Variants in CEP128 observed in about 807,000 individuals in gnomAD.
The protein encoded by CEP128 is centrosomal protein 128kDa.
A neutral mutation model predicts 156.7 loss-of-function variants in CEP128; 132 were observed. That is an observed-to-expected ratio of 0.84 (90% CI 0.73 to 0.97). The LOEUF (loss-of-function observed/expected upper bound fraction) is 0.97, where lower values mean the gene tolerates loss of function less well. CEP128 is among the 50% of genes least tolerant of loss of function. CEP128 has a pLI of 0.00. For missense variants in CEP128, 1,252 were observed against 1,281.9 expected (o/e 0.98, Z 0.36); for synonymous variants, 469 against 448.9 (o/e 1.04, Z -0.57).
At chr14:80,658,917 G>A (rs1018701047) in intron 19 of CEP128, among the ~76,000 whole-genome samples, 4 of 152,158 alleles carry the variant, frequency 2.6e-5, no homozygotes, top group Admixed American at 1.3e-4. Context: ...GCTGACAGGG[G>A]ACAGGGAGCA....
intron 19 of CEP128, among the ~76,000 whole-genome samples, chr14:80,675,678 T>C (rs1162613468): frequency 2.0e-5 from 3 of 152,218 alleles, no homozygotes; most frequent in Non-Finnish European, 2.9e-5. Context: ...ATATCTGTAA[T>C]TGGTCTCTTT....
chr14:80,727,039 T>C (rs1898046230), intron 19 of CEP128, among the ~76,000 whole-genome samples: 1 of 152,084 alleles, frequency 6.6e-6, no homozygotes, highest in Non-Finnish European at 1.5e-5. Context: ...AGAAATAAGA[T>C]GATTAGTCAC....
At chr14:80,904,496 T>A (rs1883768724) in intron 6 of CEP128, among the ~76,000 whole-genome samples, 1 of 152,074 alleles carries the variant, frequency 6.6e-6, no homozygotes, top group Admixed American at 6.6e-5. Flanking sequence ...GAGAATAAAT[T>A]TCAAATGTCT....
intron 4 of CEP128, among the ~76,000 whole-genome samples, chr14:80,907,524 G>A (rs532901071): frequency 6.6e-6 from 1 of 152,118 alleles, no homozygotes; most frequent in Admixed American, 6.5e-5. Flanking sequence ...CGGGCATGAT[G>A]GCTGGTGCCT....
chr14:80,726,095 T>C (rs1252011990), intron 19 of CEP128, among the ~76,000 whole-genome samples: 1 of 152,190 alleles, frequency 6.6e-6, no homozygotes, highest in Non-Finnish European at 1.5e-5. Context: ...GAGGTACTTG[T>C]TACCTTCTCT....
At chr14:80,527,971 A>T (rs1180512502) in intron 22 of CEP128, among the ~76,000 whole-genome samples, 1 of 152,090 alleles carries the variant, frequency 6.6e-6, no homozygotes, top group African/African-American at 2.4e-5. Context: ...ATTTAGGGAG[A>T]AATTAGAAAA....
At chr14:80,657,270 TA>T (rs943744914) in intron 19 of CEP128, among the ~76,000 whole-genome samples, 1 of 151,426 alleles carries the variant, frequency 6.6e-6, no homozygotes, top group African/African-American at 2.4e-5. Flanking sequence ...AAAAAAAATT[TA>T]AAAAAAATGG....
chr14:80,812,790 C>T (rs1423848930), intron 13 of CEP128, among the ~76,000 whole-genome samples: 1 of 152,170 alleles, frequency 6.6e-6, no homozygotes, highest in African/African-American at 2.4e-5. Context: ...GTCTGGAACT[C>T]CTGACCTCGT....
At chr14:80,548,688 C>T (rs2140332501) in intron 21 of CEP128, among the ~76,000 whole-genome samples, 1 of 152,142 alleles carries the variant, frequency 6.6e-6, no homozygotes, top group South Asian at 2.1e-4. Context: ...TTAGAACAGG[C>T]CTATAAAACA....
intron 16 of CEP128, 61 bp from the exon 17 acceptor site, chr14:80,761,674 T>G (rs990535131): frequency 1.2e-5 from 15 of 1,208,612 alleles, no homozygotes; most frequent in Non-Finnish European, 1.5e-5. Flanking sequence ...AGAAAATACT[T>G]GTAATATCTG....
chr14:80,865,049 C>A (rs1001525804), intron 8 of CEP128, among the ~76,000 whole-genome samples: 26 of 152,158 alleles, frequency 1.7e-4, no homozygotes, highest in African/African-American at 5.8e-4. Context: ...ATAAGGGAAA[C>A]TTTGTACTAC....
intron 13 of CEP128, among the ~76,000 whole-genome samples, chr14:80,803,007 G>A (rs529840521): frequency 3.9e-5 from 6 of 152,082 alleles, no homozygotes; most frequent in Admixed American, 1.3e-4. Context: ...AGGAAAGAAC[G>A]CATTTGTCAG....
At chr14:80,519,312 A>G (rs1888629491) in intron 23 of CEP128, among the ~76,000 whole-genome samples, 2 of 152,234 alleles carry the variant, frequency 1.3e-5, no homozygotes, top group Admixed American at 1.3e-4. Flanking sequence ...AAGCTGTTCC[A>G]ACCTGACTAA....
intron 18 of CEP128, among the ~76,000 whole-genome samples, chr14:80,752,558 A>G (rs1365150760): frequency 6.6e-6 from 1 of 152,242 alleles, no homozygotes; most frequent in Non-Finnish European, 1.5e-5. Flanking sequence ...GAAGGATAAA[A>G]TATTAGATAT....
chr14:80,888,351 C>T (rs1203809037), intron 8 of CEP128, among the ~76,000 whole-genome samples: 2 of 152,202 alleles, frequency 1.3e-5, no homozygotes, highest in East Asian at 3.9e-4. Context: ...AGGCCAATAT[C>T]CCTGATGAAC....
intron 9 of CEP128, among the ~76,000 whole-genome samples, chr14:80,844,905 C>T (rs575586258): frequency 1.7e-3 from 254 of 152,052 alleles, no homozygotes; most frequent in Non-Finnish European, 1.8e-3. Flanking sequence ...CCACTATGCC[C>T]ATACCTACGG....
intron 19 of CEP128, among the ~76,000 whole-genome samples, chr14:80,646,350 C>T (rs1035983095): frequency 3.2e-4 from 48 of 150,278 alleles, no homozygotes; most frequent in African/African-American, 9.8e-4. Context: ...AAAATGAAGT[C>T]ATTTTTTTTT....
intron 14 of CEP128, among the ~76,000 whole-genome samples, chr14:80,791,116 A>G (rs987684841): frequency 2.0e-5 from 3 of 151,904 alleles, no homozygotes; most frequent in Non-Finnish European, 4.4e-5. Context: ...ACATTTTTAA[A>G]TTTTTTTTCC....
At chr14:80,784,538 A>G (rs758401643) in intron 15 of CEP128, among the ~76,000 whole-genome samples, 3 of 152,204 alleles carry the variant, frequency 2.0e-5, no homozygotes, top group South Asian at 2.1e-4. Context: ...GACTGTGGTT[A>G]TAGCTTCTCT....
Sources: gnomAD v4.1 joint callset for allele counts (sites outside exome capture counted in the v4.1 genomes callset) on GRCh38, gnomAD v4.1.1 for gene constraint, MANE v1.5 for transcripts, NCBI Gene and HGNC (gene_info 2026-07-23, HGNC 2026-07-21) for gene names.